Variants in ALK observed in about 807,000 individuals in gnomAD.
ALK encodes the protein ALK tyrosine kinase receptor.
In ALK, 74 loss-of-function variants were observed where a neutral mutation model predicts 163.1. The ratio of observed to expected loss-of-function variants is 0.45; its 90% confidence interval spans 0.38 to 0.55. The LOEUF is 0.55. Among genes scored for constraint, ALK ranks in the 20% least tolerant of loss-of-function variants. ALK has a pLI of 0.00. For missense variants in ALK, 2,063 were observed against 2,105.3 expected, an observed-to-expected ratio of 0.98 and a Z score of 0.39; for synonymous variants, 960 against 843.2, an observed-to-expected ratio of 1.14 and a Z score of -2.40.
At chr2:29,611,355 T>G (rs1675686046) in intron 3 of ALK, among the ~76,000 whole-genome samples, 1 of 152,206 alleles carries the variant, frequency 6.6e-6, no homozygotes, top group Non-Finnish European at 1.5e-5. Flanking sequence ...GAGCATATTT[T>G]CAGACTCAGC....
At chr2:29,237,518 T>C (rs1169517043) in intron 13 of ALK, among the ~76,000 whole-genome samples, 1 of 152,112 alleles carries the variant, frequency 6.6e-6, no homozygotes, top group Non-Finnish European at 1.5e-5. Context: ...TTTGCTGGGG[T>C]CACTGTTTCC....
intron 1 of ALK, among the ~76,000 whole-genome samples, chr2:29,741,686 C>T (rs895125873): frequency 1.3e-5 from 2 of 152,114 alleles, no homozygotes; most frequent in African/African-American, 2.4e-5. Flanking sequence ...AAGCTCAACC[C>T]CTTTCTTAGA....
chr2:29,227,816 G>A lies in ALK; in HGVS notation c.2816-144C>T, dbSNP rs1664054654. 1 of 675,806 alleles carries A rather than the reference G, an allele frequency of 1.5e-6. No homozygotes were observed. The highest frequency in any genetic ancestry group is 2.7e-6 in the Non-Finnish European group (1 of 373,398). The allele number at this position is 675,806 out of a possible 1,614,324, so 41.9% of individuals were successfully genotyped here. A position where few individuals can be genotyped will look rare whatever the true frequency, so the allele number is the denominator to read the frequency against. On this transcript the variant is annotated intron_variant, in intron 16 of 28. Coordinates refer to ENST00000389048, the MANE Select transcript of ALK (RefSeq NM_004304.5). The surrounding 1 kb of genome is among the most constrained non-coding windows in gnomAD (Gnocchi z 4.4). ...GGGGCAGGGATGCGGGGAGGGAAGG[G>A]AGGCTCAGGGCACAGAGGCTGCATG...
chr2:29,473,703 T>C (rs1472659242), intron 4 of ALK, among the ~76,000 whole-genome samples: 1 of 123,342 alleles, frequency 8.1e-6, no homozygotes, highest in Non-Finnish European at 1.9e-5. Flanking sequence ...GCCCCATCTC[T>C]ACTGAAAAAA....
At chr2:29,832,839 T>C (rs914807881) in intron 1 of ALK, among the ~76,000 whole-genome samples, 1 of 152,182 alleles carries the variant, frequency 6.6e-6, no homozygotes. Context: ...AAATGTTCAA[T>C]TTTCACTTCA....
chr2:29,328,230 T>A lies in ALK; in HGVS notation c.1414+120A>T. 2.8e-6 allele frequency: 4 copies of A among 1,430,776 alleles called. No homozygotes were observed. In the South Asian group the frequency reaches 3.6e-5, roughly 13 times the overall value. The allele number at this position is 1,430,776 out of a possible 1,614,324, so 88.6% of individuals were successfully genotyped here. On this transcript the variant is annotated intron_variant, in intron 6 of 28. Coordinates refer to ENST00000389048, the MANE Select transcript of ALK (RefSeq NM_004304.5). ...CTGTGTGGCTTTGCCATGAGAGGAG[T>A]CACAAGTGTCAGTGGATATCAGGAA...
intron 1 of ALK, among the ~76,000 whole-genome samples, chr2:29,814,728 G>A (rs934164741): frequency 2.0e-5 from 3 of 151,974 alleles, no homozygotes; most frequent in African/African-American, 7.3e-5. Flanking sequence ...TCTTGGGTCT[G>A]CTTTACTAGT....
chr2:29,468,617 G>A (rs1407915102), intron 4 of ALK, among the ~76,000 whole-genome samples: 1 of 152,006 alleles, frequency 6.6e-6, no homozygotes, highest in African/African-American at 2.4e-5. Flanking sequence ...GGGAGGCCAA[G>A]AATGGTGTAT....
chr2:29,305,976 C>T (rs1666498592), intron 8 of ALK, among the ~76,000 whole-genome samples: 3 of 152,072 alleles, frequency 2.0e-5, no homozygotes, highest in Admixed American at 6.5e-5. Context: ...CTGGCAGTAA[C>T]GCGAGGGATG....
chr2:29,447,566 TAAG>T (rs1256097176), intron 4 of ALK, among the ~76,000 whole-genome samples: 1 of 152,268 alleles, frequency 6.6e-6, no homozygotes, highest in Non-Finnish European at 1.5e-5. Flanking sequence ...GCATAAAAGA[TAAG>T]AACATGGAGT....
chr2:29,881,252 C>T (rs760530885), intron 1 of ALK, among the ~76,000 whole-genome samples: 12 of 152,316 alleles, frequency 7.9e-5, no homozygotes, highest in Non-Finnish European at 1.2e-4. Context: ...ACTAAGTGAA[C>T]GCTGAAGGAA....
intron 5 of ALK, among the ~76,000 whole-genome samples, chr2:29,383,371 CA>C (rs1368481863): frequency 6.6e-6 from 1 of 151,686 alleles, no homozygotes; most frequent in Non-Finnish European, 1.5e-5. Context: ...GGCTGGAGTG[CA>C]ACGGCACAAT....
chr2:29,318,179 C>T (rs1182925990), intron 8 of ALK, 125 bp downstream of exon 8: 1 of 755,668 alleles, frequency 1.3e-6, no homozygotes, highest in East Asian at 2.6e-5. Flanking sequence ...GCAGAGGTGG[C>T]CCTCTTGTTC....
chr2:29,501,299 GA>G (rs1672169465), intron 4 of ALK, among the ~76,000 whole-genome samples: 1 of 152,140 alleles, frequency 6.6e-6, no homozygotes, highest in Non-Finnish European at 1.5e-5. Flanking sequence ...TTCATCCTGT[GA>G]GCCTCACTTC....
chr2:29,458,659 C>T (rs1481657624), intron 4 of ALK, among the ~76,000 whole-genome samples: 2 of 152,118 alleles, frequency 1.3e-5, no homozygotes, highest in East Asian at 3.9e-4. Flanking sequence ...ACAAGCAGAC[C>T]TGGGTGATAG....
intron 1 of ALK, among the ~76,000 whole-genome samples, chr2:29,845,521 AC>A (rs1558515367): frequency 6.6e-6 from 1 of 151,568 alleles, no homozygotes; most frequent in African/African-American, 2.4e-5. Context: ...TGCAACCTCC[AC>A]CCCCCAGGTT....
chr2:29,291,955 G>C (rs1484378215), intron 9 of ALK, among the ~76,000 whole-genome samples: 2 of 151,976 alleles, frequency 1.3e-5, no homozygotes, highest in African/African-American at 2.4e-5. Flanking sequence ...AAATTGAATA[G>C]AAAAAAAATC....
At chr2:29,591,861 C>T (rs889118313) in intron 3 of ALK, among the ~76,000 whole-genome samples, 5 of 151,800 alleles carry the variant, frequency 3.3e-5, no homozygotes, top group African/African-American at 7.3e-5. Flanking sequence ...CCTTCTGGGC[C>T]GTCACTGGCA....
intron 3 of ALK, among the ~76,000 whole-genome samples, chr2:29,641,929 C>T (rs1298606783): frequency 6.6e-6 from 1 of 152,148 alleles, no homozygotes; most frequent in Non-Finnish European, 1.5e-5. Flanking sequence ...GGTTTCCAAA[C>T]CCAGGTATAC....
Sources: gnomAD v4.1 joint callset for allele counts (sites outside exome capture counted in the v4.1 genomes callset) on GRCh38, gnomAD v4.1.1 for gene constraint, Gnocchi (gnomAD v3.1) non-coding constraint, MANE v1.5 for transcripts, NCBI Gene and HGNC (gene_info 2026-07-23, HGNC 2026-07-21) for gene names.